The following IRF2 variants were observed in gnomAD, a reference collection of about 807,000 sequenced individuals.
The protein encoded by IRF2 is interferon regulatory factor 2.
IRF2 carries 15 observed loss-of-function variants against 40.6 expected under a neutral mutation model. The ratio of observed to expected loss-of-function variants is 0.37; its 90% CI spans 0.25 to 0.57. The LOEUF is 0.57. IRF2 is among the 20% of genes least tolerant of loss of function. The probability of loss-of-function intolerance (pLI) is 0.77; values close to 1 mark genes in which losing one functional copy is unlikely to be tolerated. For missense variants in IRF2, 317 were observed against 455.7 expected (o/e 0.70, Z 2.77); for synonymous variants, 151 against 165.5 (o/e 0.91, Z 0.67).
chr4:184,446,304 G>A (rs1360483162), intron 1 of IRF2, among the ~76,000 whole-genome samples: 1 of 152,214 alleles, frequency 6.6e-6, no homozygotes, highest in African/African-American at 2.4e-5. Flanking sequence ...TGCAGCCAGG[G>A]TAGGTATTGG....
intron 1 of IRF2, among the ~76,000 whole-genome samples, chr4:184,457,713 C>A (rs1239690478): frequency 1.3e-5 from 2 of 152,182 alleles, no homozygotes; most frequent in African/African-American, 4.8e-5. Flanking sequence ...GGACCGCAGA[C>A]TACAAATGCA....
chr4:184,389,323 C>G (rs144160714), intron 8 of IRF2, among the ~76,000 whole-genome samples: 4 of 152,088 alleles, frequency 2.6e-5, no homozygotes, highest in African/African-American at 9.7e-5. Context: ...GAGGCTGAGG[C>G]GGGAGGATCA....
chr4:184,390,570 C>A, intron 8 of IRF2, 133 bp downstream of exon 8: 1 of 836,106 alleles, frequency 1.2e-6, no homozygotes. Flanking sequence ...ATGCATATTT[C>A]ACCACACAAG....
intron 1 of IRF2, among the ~76,000 whole-genome samples, chr4:184,429,294 T>A (rs1157649581): frequency 6.6e-6 from 1 of 152,132 alleles, no homozygotes; most frequent in Non-Finnish European, 1.5e-5. Context: ...AGGCCTGCCC[T>A]CCGCTGGGAG....
intron 2 of IRF2, 75 bp downstream of exon 2, chr4:184,428,903 T>G (rs1737767650): frequency 8.7e-7 from 1 of 1,155,842 alleles, no homozygotes; most frequent in Non-Finnish European, 1.3e-6. Context: ...ACACACGATT[T>G]TACTTTCAGC....
chr4:184,422,188 G>GT (rs1561101370), intron 2 of IRF2, among the ~76,000 whole-genome samples: 1 of 152,056 alleles, frequency 6.6e-6, no homozygotes, highest in African/African-American at 2.4e-5. Flanking sequence ...AAGAAGCCTC[G>GT]TTTTTTTATA....
At chr4:184,464,863 T>G (rs1739268038) in intron 1 of IRF2, among the ~76,000 whole-genome samples, 1 of 152,070 alleles carries the variant, frequency 6.6e-6, no homozygotes, top group South Asian at 2.1e-4. Flanking sequence ...TCTTCTTCTT[T>G]TTTTTTTCTC....
At chr4:184,455,897 A>T (rs1738907618) in intron 1 of IRF2, among the ~76,000 whole-genome samples, 1 of 152,248 alleles carries the variant, frequency 6.6e-6, no homozygotes, top group African/African-American at 2.4e-5. Context: ...CTGTGTGCCA[A>T]GCATTATCTA....
chr4:184,430,028 CACAG>C lies in IRF2; in HGVS notation c.-6-962_-6-959del, dbSNP rs568874277. Among the ~76,000 whole-genome samples, 500 of 152,338 alleles carry C rather than the reference CACAG, an allele frequency of 3.3e-3. 2 individuals carry two copies. The highest frequency in any genetic ancestry group is 0.011 in the African/African-American group (466 of 41,572). ...TGCAAGCCTCCATTCTATAGGACCT[CACAG>C]ACAGTGTGACACTGTAATCCTCTTC... is the stretch of plus-strand genomic sequence containing the variant. On this transcript the variant is annotated intron_variant, in intron 1 of 8. Coordinates refer to ENST00000393593, the MANE Select transcript of IRF2 (RefSeq NM_002199.4).
At chr4:184,391,921 G>A (rs554797510) in intron 7 of IRF2, among the ~76,000 whole-genome samples, 1 of 152,316 alleles carries the variant, frequency 6.6e-6, no homozygotes, top group African/African-American at 2.4e-5. Flanking sequence ...GAGTGAGTGA[G>A]AGGGTACATG....
rs377433683 is a variant in IRF2 at position 184,426,324 on chromosome 4, C to T, written c.87+2654G>A. ...AGCCACTGCGCCCAGCCAGGGCTCA[C>T]TCCTTTCCAAGGCTCTGGGAAGGAT... On this transcript the variant is annotated intron_variant, in intron 2 of 8. Transcript: ENST00000393593. Among the ~76,000 whole-genome samples the T allele has an allele frequency of 7.3e-3, 1,113 of 152,298 alleles. 17 individuals carry two copies. The highest frequency in any genetic ancestry group is 0.025 in the African/African-American group (1,033 of 41,562).
chr4:184,397,889 A>C (rs1362144696), intron 7 of IRF2, among the ~76,000 whole-genome samples: 1 of 152,202 alleles, frequency 6.6e-6, no homozygotes, highest in African/African-American at 2.4e-5. Context: ...ATGTTGGCGA[A>C]CGAGAGGAGC....
intron 6 of IRF2, among the ~76,000 whole-genome samples, chr4:184,400,813 C>G (rs1346826464): frequency 6.6e-6 from 1 of 152,118 alleles, no homozygotes. Context: ...CCCTAAGGTC[C>G]TGCCCTCATT....
rs549477560 is a variant in IRF2, at chr4:184,413,043, C to A, written c.412-4768G>T. Among the ~76,000 whole-genome samples, 2 of 152,200 alleles carry A rather than the reference C, an allele frequency of 1.3e-5. No homozygotes were observed. Among genetic ancestry groups the A allele is most frequent in the Non-Finnish European group, 2.9e-5 (2 of 68,044 alleles). On this transcript the variant is annotated intron_variant, in intron 5 of 8. Transcript: ENST00000393593. This position sits in a 1 kb window ranked among gnomAD's most constrained non-coding sequence, Gnocchi z 4.2. ...CAAAACGACCTGCATTCCCAACACT[C>A]GCTTCTGAAGGTGCAAAACGCCGGG...
intron 1 of IRF2, among the ~76,000 whole-genome samples, chr4:184,453,149 C>A (rs948627994): frequency 1.1e-4 from 16 of 152,122 alleles, no homozygotes; most frequent in African/African-American, 3.9e-4. Flanking sequence ...GATAAATTAC[C>A]TTCCAGATAC....
At chr4:184,468,307 C>A (rs951986595) in intron 1 of IRF2, among the ~76,000 whole-genome samples, 1 of 151,880 alleles carries the variant, frequency 6.6e-6, no homozygotes, top group Non-Finnish European at 1.5e-5. Context: ...GCCAACATGG[C>A]GAAACCTCAT....
intron 1 of IRF2, among the ~76,000 whole-genome samples, chr4:184,438,030 G>A (rs1355864861): frequency 6.6e-6 from 1 of 152,124 alleles, no homozygotes; most frequent in Non-Finnish European, 1.5e-5. Context: ...TTGAAAGCTG[G>A]AGTTAGAAGT....
chr4:184,395,305 C>CG (rs1456119536), intron 7 of IRF2, among the ~76,000 whole-genome samples: 2 of 145,450 alleles, frequency 1.4e-5, no homozygotes, highest in African/African-American at 2.5e-5. Flanking sequence ...CCCAGCTACT[C>CG]GGGAGGCTGA....
intron 5 of IRF2, among the ~76,000 whole-genome samples, chr4:184,409,011 C>T (rs1346895284): frequency 6.6e-6 from 1 of 151,880 alleles, no homozygotes; most frequent in Non-Finnish European, 1.5e-5. Context: ...TTCAAGTGCA[C>T]CAGAACCCTC....
Sources: gnomAD v4.1 joint callset for allele counts (sites outside exome capture counted in the v4.1 genomes callset) on GRCh38, gnomAD v4.1.1 for gene constraint, Gnocchi (gnomAD v3.1) non-coding constraint, MANE v1.5 for transcripts, NCBI Gene and HGNC (gene_info 2026-07-23, HGNC 2026-07-21) for gene names.